Variants in ZNF654 observed in about 807,000 individuals in gnomAD.
The protein encoded by ZNF654 is zinc finger protein 654.
ZNF654 carries 19 observed loss-of-function variants against 95.3 expected under a neutral mutation model. That is an observed-to-expected ratio of 0.20 (90% CI 0.14 to 0.29). The LOEUF is 0.29. Among genes scored for constraint, ZNF654 ranks in the 10% least tolerant of loss-of-function variants. The pLI is 1.00. For missense variants in ZNF654, 1,046 were observed against 1,341.0 expected (o/e 0.78, Z 3.44); for synonymous variants, 413 against 457.9 (o/e 0.90, Z 1.25).
Position 88,139,857 on chromosome 3 carries a change from ACT to A in ZNF654, c.2189_2190del (p.Thr730SerfsTer17), listed in dbSNP as rs1707012257. On this transcript the variant is annotated frameshift_variant, in exon 8 of 9. Coordinates refer to ENST00000636215, the MANE Select transcript of ZNF654 (RefSeq NM_001350134.2). LOFTEE classifies it high-confidence loss of function. ...ETSVIHKINGTVCHPKDIYAT... is the reference protein window; with the variant it reads ...ETSVIHKINGXVCHPKDIYAT... The stretch of plus-strand genomic sequence containing the variant: ...TTCAGTAATTCATAAAATCAATGGA[ACT>A]GTGTGCCATCCAAAAGACATATATG... The A allele has an allele frequency of 6.3e-7, 1 of 1,598,088 alleles. No individual in the cohort carries two copies. The highest frequency in any genetic ancestry group is 1.3e-5 in the African/African-American group (1 of 74,672).
intron 1 of ZNF654, among the ~76,000 whole-genome samples, chr3:88,079,166 T>C (rs1187078717): frequency 6.6e-6 from 1 of 152,094 alleles, no homozygotes; most frequent in Admixed American, 6.5e-5. Context: ...ATTAATATTA[T>C]CATCGAGTCA....
At chr3:88,138,000 T>C (rs1029937808) in intron 7 of ZNF654, among the ~76,000 whole-genome samples, 24 of 152,226 alleles carry the variant, frequency 1.6e-4, no homozygotes, top group Non-Finnish European at 2.4e-4. Flanking sequence ...ATAACTAAGA[T>C]GGGTCGACAA....
At chr3:88,069,649 G>A (rs906229826) in intron 1 of ZNF654, among the ~76,000 whole-genome samples, 4 of 152,184 alleles carry the variant, frequency 2.6e-5, no homozygotes, top group Admixed American at 1.3e-4. Context: ...CTGCTACTTA[G>A]ATGGAGAGTC....
intron 3 of ZNF654, among the ~76,000 whole-genome samples, chr3:88,123,817 T>G (rs1243768651): frequency 2.6e-5 from 4 of 152,180 alleles, no homozygotes; most frequent in African/African-American, 9.7e-5. Flanking sequence ...TTATTTCTCA[T>G]GCTTTGATTG....
chr3:88,075,135 G>A (rs1288607920), intron 1 of ZNF654, among the ~76,000 whole-genome samples: 1 of 152,120 alleles, frequency 6.6e-6, no homozygotes, highest in Non-Finnish European at 1.5e-5. Flanking sequence ...CATATTAAAA[G>A]CTTTTAATTT....
chr3:88,120,802 C>T (rs1464890925), intron 3 of ZNF654, among the ~76,000 whole-genome samples: 1 of 56,182 alleles, frequency 1.8e-5, no homozygotes, highest in Non-Finnish European at 5.5e-5. Flanking sequence ...AGTATAAAGT[C>T]AGTGACATTA....
intron 3 of ZNF654, among the ~76,000 whole-genome samples, chr3:88,119,708 A>G (rs1705655785): frequency 6.6e-6 from 1 of 152,172 alleles, no homozygotes; most frequent in Non-Finnish European, 1.5e-5. Flanking sequence ...AAAATCTTGC[A>G]TGCACCTTAA....
At chr3:88,065,276 T>C (rs1473607057) in intron 1 of ZNF654, among the ~76,000 whole-genome samples, 1 of 152,188 alleles carries the variant, frequency 6.6e-6, no homozygotes, top group Non-Finnish European at 1.5e-5. Flanking sequence ...CTAAATCCTT[T>C]TTTTTTTGTT....
chr3:88,122,163 G>T (rs1367438885), intron 3 of ZNF654, among the ~76,000 whole-genome samples: 1 of 152,146 alleles, frequency 6.6e-6, no homozygotes, highest in African/African-American at 2.4e-5. Context: ...GTGGGATTGT[G>T]TAAAGATAGG....
At chr3:88,087,788 T>A (rs1408429716) in intron 2 of ZNF654, among the ~76,000 whole-genome samples, 6 of 152,316 alleles carry the variant, frequency 3.9e-5, no homozygotes, top group Admixed American at 2.6e-4. Flanking sequence ...TAATTACAAT[T>A]TTTTAATGTA....
At chr3:88,073,327 AAG>A (rs1248481649) in intron 1 of ZNF654, among the ~76,000 whole-genome samples, 1 of 152,236 alleles carries the variant, frequency 6.6e-6, no homozygotes, top group African/African-American at 2.4e-5. Context: ...GGTAGATAAT[AAG>A]ATTGGAAAAA....
intron 2 of ZNF654, among the ~76,000 whole-genome samples, chr3:88,103,889 C>T (rs1170367242): frequency 1.3e-5 from 2 of 151,514 alleles, no homozygotes; most frequent in East Asian, 3.9e-4. Flanking sequence ...GCCTCAGTCT[C>T]CCAAGTAGCT....
chr3:88,088,844 C>T (rs577714786), intron 2 of ZNF654, among the ~76,000 whole-genome samples: 45 of 152,012 alleles, frequency 3.0e-4, no homozygotes, highest in African/African-American at 1.1e-3. Context: ...ATGATCTCGG[C>T]TCACTGCAAC....
chr3:88,098,801 A>T (rs550247935), intron 2 of ZNF654, among the ~76,000 whole-genome samples: 1 of 152,254 alleles, frequency 6.6e-6, no homozygotes, highest in African/African-American at 2.4e-5. Flanking sequence ...CTAAATAAAA[A>T]CTCTCAATAA....
chr3:88,066,056 A>C (rs1372893906), intron 1 of ZNF654, among the ~76,000 whole-genome samples: 1 of 152,216 alleles, frequency 6.6e-6, no homozygotes, highest in Non-Finnish European at 1.5e-5. Flanking sequence ...TTTTGTACAA[A>C]TAGATACAAG....
At chr3:88,130,228 C>G (rs898506156) in intron 6 of ZNF654, among the ~76,000 whole-genome samples, 19 of 152,070 alleles carry the variant, frequency 1.2e-4, no homozygotes, top group African/African-American at 4.6e-4. Context: ...TTAAGAATTT[C>G]TGTTTCCTCA....
At chr3:88,132,473 CA>C (rs1706524039) in intron 6 of ZNF654, among the ~76,000 whole-genome samples, 1 of 152,158 alleles carries the variant, frequency 6.6e-6, no homozygotes, top group Non-Finnish European at 1.5e-5. Flanking sequence ...AGAAGACTGT[CA>C]ATGGTTTTCA....
At chr3:88,101,092 C>CATT (rs1704394647) in intron 2 of ZNF654, among the ~76,000 whole-genome samples, 1 of 152,116 alleles carries the variant, frequency 6.6e-6, no homozygotes, top group African/African-American at 2.4e-5. Context: ...ACTCCTTACC[C>CATT]ATTGCTAGTT....
chr3:88,088,067 G>T (rs1382276857), intron 2 of ZNF654, among the ~76,000 whole-genome samples: 2 of 152,144 alleles, frequency 1.3e-5, no homozygotes, highest in South Asian at 4.1e-4. Flanking sequence ...TTTCAGATAA[G>T]GGACACTCAA....
Sources: gnomAD v4.1 joint callset for allele counts (sites outside exome capture counted in the v4.1 genomes callset) on GRCh38, gnomAD v4.1.1 for gene constraint, MANE v1.5 for transcripts, NCBI Gene and HGNC (gene_info 2026-07-23, HGNC 2026-07-21) for gene names.